The following CYFIP1 variants were observed in gnomAD, a reference collection of about 807,000 sequenced individuals.
The protein encoded by CYFIP1 is cytoplasmic FMR1-interacting protein 1.
CYFIP1 carries 58 observed loss-of-function variants against 163.5 expected under a neutral mutation model. That is an observed-to-expected ratio of 0.35 (90% CI 0.29 to 0.44). CYFIP1 has a LOEUF of 0.44. CYFIP1 is among the 20% of genes least tolerant of loss of function. CYFIP1 has a pLI of 1.00. For missense variants in CYFIP1, 1,338 were observed against 1,653.8 expected, an observed-to-expected ratio of 0.81 and a Z score of 3.31; for synonymous variants, 663 against 660.7, an observed-to-expected ratio of 1.00 and a Z score of -0.05.
At chr15:22,935,462 T>C (rs1411050164) in intron 9 of CYFIP1, among the ~76,000 whole-genome samples, 1 of 152,176 alleles carries the variant, frequency 6.6e-6, no homozygotes, top group Non-Finnish European at 1.5e-5. Flanking sequence ...GGAGACAGAA[T>C]GCTTCTAGAA....
At chr15:22,952,861 T>A (rs2062305497) in intron 1 of CYFIP1, among the ~76,000 whole-genome samples, 1 of 152,196 alleles carries the variant, frequency 6.6e-6, no homozygotes, top group South Asian at 2.1e-4. Context: ...TCTTTCTTTC[T>A]CCCAGCTTCC....
Position 22,950,255 on chromosome 15 carries a change from T to G in CYFIP1, c.-6-2964A>C, listed in dbSNP as rs1399117077. ...AACCATATGCCATCTACAAGAAACT[T>G]ACTTCAAATATACTGATACAGGTAG... On this transcript the variant is annotated intron_variant, in intron 1 of 30. Coordinates refer to ENST00000617928, the MANE Select transcript of CYFIP1 (RefSeq NM_014608.6). Among the ~76,000 whole-genome samples the G allele has an allele frequency of 2.0e-5, 3 of 152,212 alleles. No individual in the cohort carries two copies. The East Asian group carries it at 5.8e-4, about 29-fold the overall frequency.
intron 1 of CYFIP1, among the ~76,000 whole-genome samples, chr15:22,949,398 C>A (rs2062173523): frequency 6.6e-6 from 1 of 152,066 alleles, no homozygotes; most frequent in Non-Finnish European, 1.5e-5. Flanking sequence ...GAAGCCAGGA[C>A]GTGGGCAGAG....
At chr15:22,941,430 T>A (rs1477401217) in intron 6 of CYFIP1, among the ~76,000 whole-genome samples, 2 of 152,074 alleles carry the variant, frequency 1.3e-5, no homozygotes, top group East Asian at 3.8e-4. Flanking sequence ...GGGTCAAGGA[T>A]ACTGTTTTCT....
chr15:22,906,760 C>T (rs1240283972), intron 21 of CYFIP1, among the ~76,000 whole-genome samples: 2 of 152,162 alleles, frequency 1.3e-5, no homozygotes, highest in East Asian at 3.9e-4. Flanking sequence ...CCACAGCGCC[C>T]GGCCAGCAAC....
At position 22,867,244 on chromosome 15, in the gene CYFIP1, A is replaced by G; in HGVS notation, c.*2784T>C. The stretch of plus-strand genomic sequence containing the variant: ...ATGTAAGGCTTTTTTATTTTAAAAA[A>G]ACAGAGTTATCCCAATACATTATCC... On this transcript the variant is annotated 3_prime_UTR_variant, in exon 31 of 31. Transcript: ENST00000617928. 1 of 404,304 alleles carries G rather than the reference A, an allele frequency of 2.5e-6. No individual in the cohort carries two copies. Among genetic ancestry groups the G allele is most frequent in the Non-Finnish European group, 4.4e-6 (1 of 229,804 alleles). The allele number at this position is 404,304 out of a possible 1,614,324, so 25.0% of individuals were successfully genotyped here.
intron 13 of CYFIP1, among the ~76,000 whole-genome samples, chr15:22,925,233 A>G (rs1049248549): frequency 6.6e-6 from 1 of 152,184 alleles, no homozygotes; most frequent in African/African-American, 2.4e-5. Flanking sequence ...TCTAAAATGA[A>G]TATGAAACTA....
At chr15:22,951,469 G>A (rs1187874918) in intron 1 of CYFIP1, 9 of 1,289,216 alleles carry the variant, frequency 7.0e-6, no homozygotes, top group Non-Finnish European at 2.0e-6. Flanking sequence ...GCACCTCAGG[G>A]TGATGCCGCT....
intron 1 of CYFIP1, among the ~76,000 whole-genome samples, chr15:22,957,176 T>C (rs2062491975): frequency 6.6e-6 from 1 of 152,222 alleles, no homozygotes; most frequent in Non-Finnish European, 1.5e-5. Context: ...AAAGAGGGTC[T>C]TCCCAGCATT....
At chr15:22,980,897 G>A (rs756699485), upstream of CYFIP1, 1 of 152,252 alleles carries the variant, frequency 6.6e-6, no homozygotes, top group Non-Finnish European at 1.5e-5. Context: ...CCCATTGCCT[G>A]CGGGAACCAG....
intron 23 of CYFIP1, among the ~76,000 whole-genome samples, chr15:22,888,667 G>A (rs959184295): frequency 7.9e-5 from 12 of 151,266 alleles, no homozygotes; most frequent in African/African-American, 2.2e-4. Context: ...GGGAGGCGGA[G>A]GTTTCAGTGA....
At chr15:22,904,099 G>A in intron 21 of CYFIP1, 194 bp from the exon 22 acceptor site, 3 of 615,594 alleles carry the variant, frequency 4.9e-6, no homozygotes, top group Non-Finnish European at 8.6e-6. Flanking sequence ...CCCCCACTGG[G>A]TCATGCCTTT....
chr15:22,915,680 C>T (rs534071181), intron 16 of CYFIP1, among the ~76,000 whole-genome samples: 2 of 152,020 alleles, frequency 1.3e-5, no homozygotes, highest in East Asian at 1.9e-4. Context: ...ACCTGGGAGG[C>T]GGAGCTTGCA....
In CYFIP1 at chr15:22,917,005, C is replaced by T. The variant is rs1216245064; in HGVS notation, c.1675-375G>A. ...AGCAGCTCGGCAGAGCCCAAGGACTCGGCCATGGTGCGCACCAGGTAGAGC... is the reference window on the plus strand; with the variant it reads ...AGCAGCTCGGCAGAGCCCAAGGACTTGGCCATGGTGCGCACCAGGTAGAGC... On this transcript the variant is annotated intron_variant, in intron 15 of 30. Transcript: ENST00000617928. The surrounding 1 kb of genome is among the most constrained non-coding windows in gnomAD (Gnocchi z 4.2). 1.2e-5 allele frequency: 19 copies of T among 1,550,302 alleles called. No individual in the cohort carries two copies. The highest frequency in any genetic ancestry group is 2.4e-5 in the South Asian group (2 of 83,942).
chr15:22,978,567 C>T (rs2063362221), intron 1 of CYFIP1, among the ~76,000 whole-genome samples: 1 of 152,048 alleles, frequency 6.6e-6, no homozygotes, highest in Non-Finnish European at 1.5e-5. Flanking sequence ...ACAGAAAAGA[C>T]TATTATACTA....
intron 26 of CYFIP1, chr15:22,875,510 T>C: frequency 2.0e-6 from 1 of 494,426 alleles, no homozygotes; most frequent in Non-Finnish European, 3.7e-6. Flanking sequence ...CTTGAGGAAC[T>C]GAATTTTATT....
chr15:22,964,039 G>C (rs1197248682), intron 1 of CYFIP1, among the ~76,000 whole-genome samples: 3 of 151,878 alleles, frequency 2.0e-5, no homozygotes, highest in African/African-American at 7.3e-5. Flanking sequence ...TATAAATTAA[G>C]GTATTGTTGA....
At chr15:22,945,926 C>G (rs117062858) in intron 3 of CYFIP1, among the ~76,000 whole-genome samples, 1 of 152,040 alleles carries the variant, frequency 6.6e-6, no homozygotes, top group African/African-American at 2.4e-5. Flanking sequence ...GAAGTCAATG[C>G]GCAAAAATAG....
In CYFIP1 at chr15:22,969,788, T is replaced by C. The variant is rs569092521; in HGVS notation, c.-7+10499A>G. 2.0e-3 allele frequency among the ~76,000 whole-genome samples: 304 copies of C among 152,142 alleles called. 1 individual carries two copies. Among genetic ancestry groups the C allele is most frequent in the South Asian group, 0.011 (53 of 4,826 alleles). ...CAAATTTTAAATATAAAAATACAAGTACGGTGAAACTAAAAGAACGCAAAA... is the reference window on the plus strand; with the variant it reads ...CAAATTTTAAATATAAAAATACAAGCACGGTGAAACTAAAAGAACGCAAAA... On this transcript the variant is annotated intron_variant, in intron 1 of 30. Transcript: ENST00000617928.
Sources: allele counts gnomAD v4.1 joint callset (sites outside exome capture counted in the v4.1 genomes callset), GRCh38; gene constraint gnomAD v4.1.1; non-coding constraint Gnocchi (gnomAD v3.1); transcripts MANE v1.5; gene names NCBI Gene and HGNC (gene_info 2026-07-23, HGNC 2026-07-21).